COMMD7: variants seen among roughly 807,000 people sequenced by gnomAD.
COMMD7 encodes COMM domain-containing protein 7.
In COMMD7, 28 loss-of-function variants were observed where a neutral mutation model predicts 34.8. The ratio of observed to expected loss-of-function variants is 0.80; its 90% CI spans 0.60 to 1.10. The LOEUF (loss-of-function observed/expected upper bound fraction) is 1.10, where lower values mean the gene tolerates loss of function less well. Ranked by LOEUF, COMMD7 falls within the 50% of genes least tolerant of loss-of-function variation. The pLI, the probability that COMMD7 is intolerant of heterozygous loss-of-function variation, is 0.00. For missense variants in COMMD7, 211 were observed against 241.6 expected, an observed-to-expected ratio of 0.87 and a Z score of 0.84; for synonymous variants, 80 against 86.4, an observed-to-expected ratio of 0.93 and a Z score of 0.41.
chr20:32,704,586 C>CAGA (rs1983951455), intron 6 of COMMD7, 97 bp from the exon 7 acceptor site: 12 of 1,352,484 alleles, frequency 8.9e-6, no homozygotes, highest in Non-Finnish European at 1.0e-5. Context: ...AGCTGTCCAG[C>CAGA]AGAAGCCATG....
Position 32,715,678 on chromosome 20 carries a change from C to G in COMMD7, c.242-8918G>C, listed in dbSNP as rs1291606778. 1.1e-3 allele frequency among the ~76,000 whole-genome samples: 151 copies of G among 138,594 alleles called. No homozygotes were observed. The Middle Eastern group carries it at 0.018, about 17-fold the overall frequency. 90.9% of individuals were successfully genotyped at this position (138,594 alleles called of 152,430 possible). A position where few individuals can be genotyped will look rare whatever the true frequency, so the allele number is the denominator to read the frequency against. ...AAAAATCAGCCAGGAGTGGTGGCAT[C>G]CACCTGTGGTCCCAGCTACTCGGGA... On this transcript the variant is annotated intron_variant, in intron 3 of 8. Coordinates refer to ENST00000278980, the MANE Select transcript of COMMD7 (RefSeq NM_053041.3).
chr20:32,741,697 T>G (rs955977187), intron 1 of COMMD7, among the ~76,000 whole-genome samples: 14 of 152,148 alleles, frequency 9.2e-5, no homozygotes, highest in Admixed American at 3.3e-4. Flanking sequence ...ATTTTTTATC[T>G]TTTATACTGT....
intron 1 of COMMD7, among the ~76,000 whole-genome samples, chr20:32,732,594 C>T (rs1404310254): frequency 6.6e-6 from 1 of 151,184 alleles, no homozygotes; most frequent in African/African-American, 2.4e-5. Flanking sequence ...ATAGTGAGAG[C>T]CCATCTCTAC....
In COMMD7 at chr20:32,704,495, A is replaced by G; in HGVS notation, c.428-6T>C. 6.9e-7 allele frequency: 1 copy of G among 1,456,360 alleles called. No individual in the cohort carries two copies. 90.2% of individuals were successfully genotyped at this position (1,456,360 alleles called of 1,614,324 possible). A position where few individuals can be genotyped will look rare whatever the true frequency, so the allele number is the denominator to read the frequency against. ...TTCGCTGCTCCCAGATGTCACTGTG[A>G]CAAAAAAAAAAAAAAAGAGAGAGAG... On this transcript the variant is annotated splice_region_variant and splice_polypyrimidine_tract_variant and intron_variant, in intron 6 of 8. Coordinates refer to ENST00000278980, the MANE Select transcript of COMMD7 (RefSeq NM_053041.3).
intron 3 of COMMD7, among the ~76,000 whole-genome samples, chr20:32,722,792 C>T (rs1195086333): frequency 2.0e-5 from 3 of 150,822 alleles, no homozygotes; most frequent in Non-Finnish European, 2.9e-5. Flanking sequence ...GAGGCTGAGG[C>T]GGGTGGATCA....
intron 1 of COMMD7, among the ~76,000 whole-genome samples, chr20:32,730,345 G>A (rs528676067): frequency 2.8e-4 from 42 of 151,816 alleles, no homozygotes; most frequent in African/African-American, 8.7e-4. Context: ...ATTTGAGGTC[G>A]GGAGTTCAAG....
chr20:32,729,551 T>C (rs1001804781), intron 1 of COMMD7, among the ~76,000 whole-genome samples: 1 of 149,148 alleles, frequency 6.7e-6, no homozygotes, highest in East Asian at 2.0e-4. Flanking sequence ...GAGACCAAGA[T>C]GGGAGGATTG....
chr20:32,712,152 C>T (rs544025230), intron 3 of COMMD7, among the ~76,000 whole-genome samples: 3 of 151,854 alleles, frequency 2.0e-5, no homozygotes, highest in Admixed American at 2.0e-4. Flanking sequence ...CGCCTGTAAT[C>T]CCAGCTACTC....
At chr20:32,719,630 A>T (rs1281174146) in intron 3 of COMMD7, among the ~76,000 whole-genome samples, 2 of 152,180 alleles carry the variant, frequency 1.3e-5, no homozygotes, top group Non-Finnish European at 2.9e-5. Flanking sequence ...AGACTGGGCA[A>T]CAAGAGCAAA....
At position 32,716,895 on chromosome 20, in the gene COMMD7, G is replaced by A. The variant is rs78680871; in HGVS notation, c.242-10135C>T. ...TTTTCATAATATGGACTCTAGCTCT[G>A]TCGTCCAGGCCAGAGCGCAGTGTCA... On this transcript the variant is annotated intron_variant, in intron 3 of 8. Coordinates refer to ENST00000278980, the MANE Select transcript of COMMD7 (RefSeq NM_053041.3). Among the ~76,000 whole-genome samples, 391 of 150,596 alleles carry A rather than the reference G, an allele frequency of 2.6e-3. 1 individual carries two copies. The highest frequency in any genetic ancestry group is 5.1e-3 in the Non-Finnish European group (348 of 67,816).
intron 1 of COMMD7, among the ~76,000 whole-genome samples, chr20:32,737,360 A>G (rs1257549742): frequency 1.3e-5 from 2 of 149,634 alleles, no homozygotes; most frequent in Non-Finnish European, 3.0e-5. Flanking sequence ...ACAGAGCAAG[A>G]CTCCGTCTCA....
intron 3 of COMMD7, among the ~76,000 whole-genome samples, chr20:32,718,293 A>G (rs1191597657): frequency 6.6e-6 from 1 of 151,716 alleles, no homozygotes; most frequent in Non-Finnish European, 1.5e-5. Context: ...GGTCCCAGCT[A>G]CTCGGGAGGT....
chr20:32,712,933 A>G (rs1222089800), intron 3 of COMMD7, among the ~76,000 whole-genome samples: 2 of 151,508 alleles, frequency 1.3e-5, no homozygotes, highest in Admixed American at 1.3e-4. Context: ...TTGTATTTTT[A>G]GTAGAGACCA....
intron 1 of COMMD7, among the ~76,000 whole-genome samples, chr20:32,735,701 G>A (rs1986101156): frequency 6.6e-6 from 1 of 152,110 alleles, no homozygotes; most frequent in Non-Finnish European, 1.5e-5. Flanking sequence ...CTTTCAGGCT[G>A]GAGTACAGTG....
intron 1 of COMMD7, among the ~76,000 whole-genome samples, chr20:32,728,903 G>T (rs570180150): frequency 6.6e-6 from 1 of 151,998 alleles, no homozygotes; most frequent in Non-Finnish European, 1.5e-5. Flanking sequence ...TAAACATCTC[G>T]TTACTTGTGT....
intron 7 of COMMD7, 101 bp from the exon 8 acceptor site, chr20:32,704,172 A>G: frequency 1.0e-6 from 1 of 999,340 alleles, no homozygotes; most frequent in Non-Finnish European, 1.5e-6. Flanking sequence ...CCTGAGAGTC[A>G]TACAGGAGCA....
chr20:32,729,454 C>T (rs1231448101), intron 1 of COMMD7, among the ~76,000 whole-genome samples: 3 of 151,720 alleles, frequency 2.0e-5, no homozygotes, highest in Admixed American at 6.6e-5. Context: ...AGGTATGACC[C>T]ACCGTGCCCA....
At chr20:32,729,114 T>C (rs1028219414) in intron 1 of COMMD7, among the ~76,000 whole-genome samples, 8 of 151,826 alleles carry the variant, frequency 5.3e-5, no homozygotes, top group African/African-American at 1.9e-4. Context: ...AAAGGTTAAA[T>C]GAGGTCATAA....
At chr20:32,718,037 C>T (rs1197175783) in intron 3 of COMMD7, among the ~76,000 whole-genome samples, 7 of 150,692 alleles carry the variant, frequency 4.6e-5, no homozygotes, top group East Asian at 2.0e-4. Context: ...TGCAGCGAGC[C>T]GAGATCGTGC....
Sources: allele counts gnomAD v4.1 joint callset (sites outside exome capture counted in the v4.1 genomes callset), GRCh38; gene constraint gnomAD v4.1.1; transcripts MANE v1.5; gene names NCBI Gene and HGNC (gene_info 2026-07-23, HGNC 2026-07-21).